Variants in PDE7A observed in about 807,000 individuals in gnomAD.
PDE7A encodes the protein phosphodiesterase 7A.
In PDE7A, 39 loss-of-function variants were observed where a neutral mutation model predicts 64.3. The observed-to-expected ratio is 0.61, with a 90% CI of 0.47 to 0.79. The LOEUF is 0.79. Among genes scored for constraint, PDE7A ranks in the 30% least tolerant of loss-of-function variants. The pLI is 0.00. For synonymous variants in PDE7A, 203 were observed against 206.8 expected (o/e 0.98, Z 0.16); for missense variants, 470 against 582.8 (o/e 0.81, Z 1.99).
At chr8:65,730,136 A>T (rs1456249228) in intron 7 of PDE7A, among the ~76,000 whole-genome samples, 1 of 144,518 alleles carries the variant, frequency 6.9e-6, no homozygotes, top group Non-Finnish European at 1.5e-5. Flanking sequence ...ACCCTATTGT[A>T]AACTGTGCAT....
At chr8:65,745,530 G>T (rs80209446) in intron 4 of PDE7A, 60 bp from the exon 5 acceptor site, 19,742 of 916,070 alleles carry the variant, frequency 0.022, 246 homozygotes, top group Admixed American at 0.028. Context: ...GTCTTTTGGA[G>T]ATATTCCATA....
intron 1 of PDE7A, among the ~76,000 whole-genome samples, chr8:65,792,498 G>C (rs971526198): frequency 6.6e-6 from 1 of 152,222 alleles, no homozygotes; most frequent in Non-Finnish European, 1.5e-5. Flanking sequence ...TATCCATACA[G>C]AGACTCGGCA....
chr8:65,739,485 G>A lies in PDE7A; in HGVS notation c.595+17C>T. The stretch of plus-strand genomic sequence containing the variant: ...AAATGTAAATCTTGTTACTGTTAAT[G>A]GGTTAGAATCACTTACCTAAAAATC... On this transcript the variant is annotated intron_variant, in intron 6 of 12. Transcript: ENST00000401827. 2 of 1,536,094 alleles carry A rather than the reference G, an allele frequency of 1.3e-6. No homozygotes were observed. Among genetic ancestry groups the A allele is most frequent in the Non-Finnish European group, 1.7e-6 (2 of 1,149,790 alleles).
intron 1 of PDE7A, among the ~76,000 whole-genome samples, chr8:65,817,567 TCA>T (rs1391310258): frequency 6.6e-6 from 1 of 152,140 alleles, no homozygotes; most frequent in African/African-American, 2.4e-5. Flanking sequence ...TAATAATTTC[TCA>T]GTTTTTCCTT....
At chr8:65,804,299 A>C (rs1810061559) in intron 1 of PDE7A, among the ~76,000 whole-genome samples, 1 of 152,188 alleles carries the variant, frequency 6.6e-6, no homozygotes, top group South Asian at 2.1e-4. Flanking sequence ...TGATTTCCTG[A>C]ACATGGCTGG....
At chr8:65,720,875 G>A (rs929216919) in intron 12 of PDE7A, among the ~76,000 whole-genome samples, 2 of 152,124 alleles carry the variant, frequency 1.3e-5, no homozygotes, top group African/African-American at 4.8e-5. Flanking sequence ...TCTTTCCTAC[G>A]TGCCATAAAG....
chr8:65,773,779 T>C (rs1042054724), intron 3 of PDE7A, among the ~76,000 whole-genome samples: 1 of 152,150 alleles, frequency 6.6e-6, no homozygotes, highest in African/African-American at 2.4e-5. Flanking sequence ...CTTCTAACAA[T>C]CTAATCATTT....
chr8:65,778,928 G>A (rs1375943657), intron 3 of PDE7A, among the ~76,000 whole-genome samples: 1 of 152,160 alleles, frequency 6.6e-6, no homozygotes, highest in African/African-American at 2.4e-5. Flanking sequence ...GCCTTGCTGG[G>A]CTCTAAACAC....
chr8:65,759,695 C>G (rs1808402456), intron 3 of PDE7A, among the ~76,000 whole-genome samples: 1 of 152,132 alleles, frequency 6.6e-6, no homozygotes, highest in Admixed American at 6.5e-5. Flanking sequence ...GAATGGCATT[C>G]ACCCCTTTCT....
intron 3 of PDE7A, among the ~76,000 whole-genome samples, chr8:65,750,666 T>C (rs1337405291): frequency 2.0e-5 from 3 of 152,190 alleles, no homozygotes; most frequent in African/African-American, 7.2e-5. Context: ...ATACTGTCAA[T>C]GGTTAAGTCA....
chr8:65,795,037 G>A lies in PDE7A; in HGVS notation c.139-12194C>T, dbSNP rs554689981. 2.0e-3 allele frequency among the ~76,000 whole-genome samples: 309 copies of A among 152,222 alleles called. 1 individual carries two copies. The highest frequency in any genetic ancestry group is 7.1e-3 in the African/African-American group (295 of 41,518). On this transcript the variant is annotated intron_variant, in intron 1 of 12. Coordinates refer to ENST00000401827, the MANE Select transcript of PDE7A (RefSeq NM_001242318.3). ...AGAGCAATATGTACAAATTATCAGA[G>A]GTGAGCTAAATCTTCGCCAGCAAAA...
At chr8:65,752,107 T>G (rs1171529675) in intron 3 of PDE7A, among the ~76,000 whole-genome samples, 1 of 152,242 alleles carries the variant, frequency 6.6e-6, no homozygotes, top group Non-Finnish European at 1.5e-5. Flanking sequence ...GCTTGAGATA[T>G]CATCCTCTAA....
chr8:65,763,595 T>C (rs1040875748), intron 3 of PDE7A, among the ~76,000 whole-genome samples: 3 of 152,154 alleles, frequency 2.0e-5, no homozygotes, highest in African/African-American at 4.8e-5. Flanking sequence ...ACTCTTATTG[T>C]TATGGGTTAG....
chr8:65,761,202 A>G (rs1808479325), intron 3 of PDE7A, among the ~76,000 whole-genome samples: 1 of 151,990 alleles, frequency 6.6e-6, no homozygotes, highest in Non-Finnish European at 1.5e-5. Flanking sequence ...AGTAGCTGGG[A>G]TTACAGGCAC....
chr8:65,734,522 G>A (rs187777688), intron 7 of PDE7A, among the ~76,000 whole-genome samples: 3 of 152,258 alleles, frequency 2.0e-5, no homozygotes. Context: ...TGGAGCCCAT[G>A]TGGAGCTCAG....
chr8:65,773,851 A>G (rs1476514975), intron 3 of PDE7A, among the ~76,000 whole-genome samples: 1 of 152,184 alleles, frequency 6.6e-6, no homozygotes. Flanking sequence ...TCTAACAGTT[A>G]TATTTTTCGA....
chr8:65,797,355 C>T (rs1165998182), intron 1 of PDE7A, among the ~76,000 whole-genome samples: 1 of 152,130 alleles, frequency 6.6e-6, no homozygotes, highest in Non-Finnish European at 1.5e-5. Context: ...ACAGACCACA[C>T]AAATGCACAG....
intron 2 of PDE7A, among the ~76,000 whole-genome samples, chr8:65,780,297 T>C (rs746991689): frequency 1.6e-4 from 25 of 152,148 alleles, no homozygotes; most frequent in Non-Finnish European, 3.4e-4. Flanking sequence ...AAATGGAAAA[T>C]ACATTACTTA....
chr8:65,819,341 G>A (rs1172030851), intron 1 of PDE7A, among the ~76,000 whole-genome samples: 1 of 152,230 alleles, frequency 6.6e-6, no homozygotes, highest in Non-Finnish European at 1.5e-5. Flanking sequence ...GGGTTGCAGT[G>A]AGCCCGGACC....
Sources: gnomAD v4.1 joint callset for allele counts (sites outside exome capture counted in the v4.1 genomes callset) on GRCh38, gnomAD v4.1.1 for gene constraint, MANE v1.5 for transcripts, NCBI Gene and HGNC (gene_info 2026-07-23, HGNC 2026-07-21) for gene names.